The following EYS variants were observed in gnomAD, a reference collection of about 807,000 sequenced individuals.
The protein encoded by EYS is EGF-like photoreceptor maintenance factor.
Under a neutral mutation model 282.1 loss-of-function variants are expected in EYS, and 250 were observed. The ratio of observed to expected loss-of-function variants is 0.89; its 90% CI spans 0.80 to 0.98. The LOEUF (loss-of-function observed/expected upper bound fraction) is 0.98, where lower values mean the gene tolerates loss of function less well. EYS is among the 50% of genes least tolerant of loss of function. EYS has a pLI of 0.00. For missense variants in EYS, 4,016 were observed against 3,709.0 expected (o/e 1.08, Z -2.15); for synonymous variants, 1,355 against 1,282.9 (o/e 1.06, Z -1.20).
At chr6:64,114,232 C>G (rs888245178) in intron 31 of EYS, among the ~76,000 whole-genome samples, 1 of 151,828 alleles carries the variant, frequency 6.6e-6, no homozygotes, top group Admixed American at 6.6e-5. Flanking sequence ...TGAAATATTC[C>G]CTGGTATTTT....
intron 12 of EYS, among the ~76,000 whole-genome samples, chr6:65,294,132 T>C (rs1562077666): frequency 6.6e-6 from 1 of 151,394 alleles, no homozygotes; most frequent in Non-Finnish European, 1.5e-5. Context: ...GAGATACAAC[T>C]AACAGAAGGA....
intron 18 of EYS, among the ~76,000 whole-genome samples, chr6:64,893,689 A>G (rs1767361988): frequency 6.6e-6 from 1 of 152,058 alleles, no homozygotes; most frequent in Non-Finnish European, 1.5e-5. Flanking sequence ...CTAAGAATAG[A>G]ATAATCAACA....
At chr6:64,346,262 T>C (rs907985995) in intron 29 of EYS, among the ~76,000 whole-genome samples, 1 of 152,094 alleles carries the variant, frequency 6.6e-6, no homozygotes, top group Admixed American at 6.6e-5. Flanking sequence ...CGTATGTTTA[T>C]TGTGGCACTA....
chr6:64,713,647 G>A (rs757348144), intron 22 of EYS, among the ~76,000 whole-genome samples: 2 of 152,050 alleles, frequency 1.3e-5, no homozygotes, highest in Non-Finnish European at 2.9e-5. Flanking sequence ...TTGTGCACAT[G>A]TTTTCAGAAG....
At chr6:64,173,900 C>T (rs946796263) in intron 31 of EYS, among the ~76,000 whole-genome samples, 4 of 152,034 alleles carry the variant, frequency 2.6e-5, no homozygotes, top group African/African-American at 9.7e-5. Flanking sequence ...TTATGCTCAA[C>T]AGCAGATGGG....
intron 29 of EYS, among the ~76,000 whole-genome samples, chr6:64,336,044 A>G (rs1770840526): frequency 6.6e-6 from 1 of 152,092 alleles, no homozygotes; most frequent in Non-Finnish European, 1.5e-5. Flanking sequence ...TAAATCACAC[A>G]TGACGTATAA....
At chr6:64,455,606 C>A (rs1775534911) in intron 26 of EYS, among the ~76,000 whole-genome samples, 1 of 151,984 alleles carries the variant, frequency 6.6e-6, no homozygotes, top group South Asian at 2.1e-4. Context: ...CTCCCCATGT[C>A]CCCAATCCTC....
At position 64,590,873 on chromosome 6, in the gene EYS, C is replaced by G; in HGVS notation, c.4994G>C (p.Cys1665Ser). The G allele has an allele frequency of 6.5e-7, 1 of 1,550,270 alleles. No individual in the cohort carries two copies. The highest frequency in any genetic ancestry group is 8.7e-7 in the Non-Finnish European group (1 of 1,146,298). ...AGTTTGTGAAGGGACAATGGATAAA[C>G]AAGTCTTATCCAAACATAAATTAAC... ...LDVNLCLDKTCLSIVPSQTIS... is the reference protein window; with the variant it reads ...LDVNLCLDKTSLSIVPSQTIS... The change falls in exon 26 of 43, where the codon TGT becomes TCT. Residue 1665 changes from cysteine to serine, a missense_variant. Transcript: ENST00000503581.
intron 2 of EYS, among the ~76,000 whole-genome samples, chr6:65,565,570 C>A (rs192371216): frequency 2.6e-5 from 4 of 151,966 alleles, no homozygotes; most frequent in African/African-American, 9.7e-5. Context: ...ACCAGAAATA[C>A]CATTTGACTC....
intron 14 of EYS, among the ~76,000 whole-genome samples, chr6:64,956,996 A>C (rs550538878): frequency 6.6e-6 from 1 of 152,336 alleles, no homozygotes; most frequent in African/African-American, 2.4e-5. Context: ...CAGTACAGTC[A>C]CTATGGAAAA....
At chr6:64,775,141 T>C (rs1243210448) in intron 22 of EYS, among the ~76,000 whole-genome samples, 1 of 151,926 alleles carries the variant, frequency 6.6e-6, no homozygotes, top group East Asian at 1.9e-4. Context: ...TTTAAAGACA[T>C]TCCAAATCAA....
intron 22 of EYS, among the ~76,000 whole-genome samples, chr6:64,726,184 T>C (rs1333525290): frequency 6.6e-6 from 1 of 151,940 alleles, no homozygotes; most frequent in African/African-American, 2.4e-5. Flanking sequence ...ACTCTTCTTT[T>C]ATGAGCCTTG....
intron 12 of EYS, among the ~76,000 whole-genome samples, chr6:65,095,752 C>A (rs755701317): frequency 6.6e-6 from 1 of 150,528 alleles, no homozygotes; most frequent in Admixed American, 6.6e-5. Context: ...TCAGCATGCT[C>A]TCATGGTAAA....
intron 31 of EYS, among the ~76,000 whole-genome samples, chr6:64,169,274 C>T (rs895079014): frequency 7.2e-5 from 11 of 151,870 alleles, no homozygotes; most frequent in South Asian, 2.1e-4. Context: ...GGTTTAGAAT[C>T]GGGCATGCAG....
intron 22 of EYS, among the ~76,000 whole-genome samples, chr6:64,762,217 G>A (rs1773181723): frequency 6.6e-6 from 1 of 152,030 alleles, no homozygotes; most frequent in Non-Finnish European, 1.5e-5. Flanking sequence ...TTTTAAAAAT[G>A]ACTTTGTAAT....
intron 1 of EYS, among the ~76,000 whole-genome samples, chr6:65,679,217 C>A (rs762414976): frequency 7.7e-5 from 11 of 143,278 alleles, no homozygotes; most frequent in Non-Finnish European, 1.7e-4. Context: ...ATGCTCACTG[C>A]ACCTTTATTC....
chr6:64,325,433 C>A (rs1422820609), intron 29 of EYS, among the ~76,000 whole-genome samples: 2 of 152,162 alleles, frequency 1.3e-5, no homozygotes, highest in Non-Finnish European at 2.9e-5. Flanking sequence ...AGCCCTAGAC[C>A]TTTCCTCTGA....
At chr6:64,895,417 C>T (rs1033825031) in intron 18 of EYS, among the ~76,000 whole-genome samples, 20 of 152,246 alleles carry the variant, frequency 1.3e-4, no homozygotes, top group African/African-American at 4.1e-4. Flanking sequence ...AATTGGCCTA[C>T]CCATTCAATG....
At chr6:63,860,590 T>G (rs1772509461) in intron 36 of EYS, among the ~76,000 whole-genome samples, 1 of 152,240 alleles carries the variant, frequency 6.6e-6, no homozygotes, top group Non-Finnish European at 1.5e-5. Context: ...CACAGTGATG[T>G]TCAATGCCCT....
Sources: allele counts gnomAD v4.1 joint callset (sites outside exome capture counted in the v4.1 genomes callset), GRCh38; gene constraint gnomAD v4.1.1; transcripts MANE v1.5; gene names NCBI Gene and HGNC (gene_info 2026-07-23, HGNC 2026-07-21).